Variants in ATF6 observed in about 807,000 individuals in gnomAD.
The protein encoded by ATF6 is cyclic AMP-dependent transcription factor ATF-6 alpha.
Under a neutral mutation model 83.6 loss-of-function variants are expected in ATF6, and 53 were observed. The observed-to-expected ratio is 0.63, with a 90% CI of 0.51 to 0.80. The LOEUF is 0.80. Among genes scored for constraint, ATF6 ranks in the 30% least tolerant of loss-of-function variants. The pLI, the probability that ATF6 is intolerant of heterozygous loss-of-function variation, is 0.00. For synonymous variants in ATF6, 288 were observed against 285.8 expected, an observed-to-expected ratio of 1.01 and a Z score of -0.08; for missense variants, 744 against 797.9, an observed-to-expected ratio of 0.93 and a Z score of 0.81.
chr1:161,834,188 T>G (rs997454241), intron 9 of ATF6, among the ~76,000 whole-genome samples: 1 of 152,090 alleles, frequency 6.6e-6, no homozygotes, highest in Non-Finnish European at 1.5e-5. Context: ...ATAAAATACT[T>G]CACAGACAAG....
chr1:161,900,253 A>G (rs1380380307), intron 14 of ATF6, among the ~76,000 whole-genome samples: 2 of 152,206 alleles, frequency 1.3e-5, no homozygotes, highest in Non-Finnish European at 2.9e-5. Context: ...TGCTGTAGGA[A>G]CGTAACTCTC....
chr1:161,772,708 G>C (rs1432635008), intron 1 of ATF6, among the ~76,000 whole-genome samples: 1 of 149,740 alleles, frequency 6.7e-6, no homozygotes, highest in East Asian at 1.9e-4. Context: ...TGAACATGTT[G>C]TTGTTTCTCC....
intron 6 of ATF6, among the ~76,000 whole-genome samples, chr1:161,799,170 G>A (rs1228503873): frequency 6.6e-6 from 1 of 152,118 alleles, no homozygotes; most frequent in Non-Finnish European, 1.5e-5. Context: ...CAAAGACATG[G>A]AATCAACCTA....
intron 15 of ATF6, among the ~76,000 whole-genome samples, chr1:161,931,766 G>A (rs550786192): frequency 6.6e-6 from 1 of 152,042 alleles, no homozygotes; most frequent in Admixed American, 6.5e-5. Context: ...TATCTTCTAG[G>A]TACAAGTCAC....
intron 7 of ATF6, among the ~76,000 whole-genome samples, chr1:161,807,983 G>A (rs1176977727): frequency 7.3e-5 from 10 of 137,692 alleles, no homozygotes; most frequent in Non-Finnish European, 1.2e-4. Context: ...AGGTTCAAGC[G>A]ATTCTCCTGC....
chr1:161,810,139 A>G lies in ATF6; in HGVS notation c.909+7867A>G, dbSNP rs187938063. On this transcript the variant is annotated intron_variant, in intron 7 of 15. Transcript: ENST00000367942. ...AGTGTTTCCATAATCAGCATCCTAT[A>G]TTAGTCAGTTCTCACACTTCTATAA... Among the ~76,000 whole-genome samples, 81 of 152,304 alleles carry G rather than the reference A, an allele frequency of 5.3e-4. 1 individual carries two copies. Among genetic ancestry groups the G allele is most frequent in the African/African-American group, 1.9e-3 (78 of 41,554 alleles).
intron 3 of ATF6, 72 bp downstream of exon 3, chr1:161,782,071 T>C: frequency 1.9e-6 from 2 of 1,056,014 alleles, no homozygotes; most frequent in Non-Finnish European, 2.8e-6. Flanking sequence ...ATACTCAAAA[T>C]TAGGTGGGGT....
chr1:161,902,554 C>T (rs539483369), intron 14 of ATF6, among the ~76,000 whole-genome samples: 31 of 152,106 alleles, frequency 2.0e-4, no homozygotes, highest in Non-Finnish European at 3.8e-4. Context: ...CAACAAAGTG[C>T]AAAAAGGCTT....
chr1:161,958,120 C>CAGAGT (rs1226473508), intron 15 of ATF6, among the ~76,000 whole-genome samples: 2 of 152,160 alleles, frequency 1.3e-5, no homozygotes, highest in Non-Finnish European at 2.9e-5. Context: ...TTGCTCCAAT[C>CAGAGT]AGAGTAATAC....
intron 9 of ATF6, among the ~76,000 whole-genome samples, chr1:161,830,763 G>C (rs1686036559): frequency 6.6e-6 from 1 of 152,212 alleles, no homozygotes; most frequent in Non-Finnish European, 1.5e-5. Flanking sequence ...AGCTGAAACT[G>C]GATCCGTTCC....
At chr1:161,939,969 T>C (rs986654045) in intron 15 of ATF6, among the ~76,000 whole-genome samples, 1 of 152,224 alleles carries the variant, frequency 6.6e-6, no homozygotes, top group African/African-American at 2.4e-5. Context: ...AAATACTATC[T>C]ATGAGCTAAT....
chr1:161,878,368 GCCT>G (rs923470774), intron 14 of ATF6, among the ~76,000 whole-genome samples: 95 of 152,208 alleles, frequency 6.2e-4, no homozygotes, highest in African/African-American at 2.2e-3. Context: ...ACCCACCTCA[GCCT>G]CCCAAAGTGT....
chr1:161,955,581 G>A (rs898681098), intron 15 of ATF6, among the ~76,000 whole-genome samples: 3 of 152,206 alleles, frequency 2.0e-5, no homozygotes, highest in African/African-American at 7.2e-5. Context: ...TGACGAGATT[G>A]CCTCACTAAC....
chr1:161,871,101 T>G (rs535998255), intron 14 of ATF6, among the ~76,000 whole-genome samples: 5 of 151,824 alleles, frequency 3.3e-5, no homozygotes, highest in African/African-American at 1.2e-4. Context: ...GACCACTAAC[T>G]GTTTATTTGT....
chr1:161,938,624 CTGATTTCCAAA>C (rs1688584565), intron 15 of ATF6, among the ~76,000 whole-genome samples: 1 of 152,116 alleles, frequency 6.6e-6, no homozygotes, highest in Non-Finnish European at 1.5e-5. Flanking sequence ...GTTGTAGGCA[CTGATTTCCAAA>C]TGAGTTCCAT....
At chr1:161,923,487 T>C (rs1296621869) in intron 15 of ATF6, among the ~76,000 whole-genome samples, 2 of 152,198 alleles carry the variant, frequency 1.3e-5, no homozygotes, top group African/African-American at 4.8e-5. Context: ...CAGAGCCTCT[T>C]CTGAACTCTC....
At chr1:161,767,980 C>G (rs1052181400) in intron 1 of ATF6, among the ~76,000 whole-genome samples, 5 of 152,146 alleles carry the variant, frequency 3.3e-5, no homozygotes, top group African/African-American at 9.7e-5. Context: ...CTCAGCCTCC[C>G]GAGTAGCTGG....
chr1:161,917,017 C>T (rs1007624042), intron 15 of ATF6, among the ~76,000 whole-genome samples: 2 of 152,200 alleles, frequency 1.3e-5, no homozygotes, highest in African/African-American at 4.8e-5. Context: ...GCTTATCCAG[C>T]TTCTCCTCTT....
At chr1:161,936,556 A>G (rs1208018260) in intron 15 of ATF6, among the ~76,000 whole-genome samples, 2 of 151,996 alleles carry the variant, frequency 1.3e-5, no homozygotes, top group African/African-American at 4.8e-5. Context: ...TTTGTATGGG[A>G]TTTTACATTT....
Sources: allele counts gnomAD v4.1 joint callset (sites outside exome capture counted in the v4.1 genomes callset), GRCh38; gene constraint gnomAD v4.1.1; transcripts MANE v1.5; gene names NCBI Gene and HGNC (gene_info 2026-07-23, HGNC 2026-07-21).